DDX11: variants seen among roughly 807,000 people sequenced by gnomAD.
DDX11 encodes the protein ATP-dependent DNA helicase DDX11.
DDX11 carries 72 observed loss-of-function variants against 125.2 expected under a neutral mutation model. The observed-to-expected ratio is 0.58, with a 90% CI of 0.48 to 0.70. DDX11 has a LOEUF of 0.70. Among genes scored for constraint, DDX11 ranks in the 30% least tolerant of loss-of-function variants. The pLI is 0.00. For synonymous variants in DDX11, 347 were observed against 452.6 expected (o/e 0.77, Z 2.96); for missense variants, 883 against 1,165.0 (o/e 0.76, Z 3.52).
intron 7 of DDX11, 71 bp downstream of exon 7, chr12:31,089,222 A>T (rs1399850342): frequency 6.9e-7 from 1 of 1,457,146 alleles, no homozygotes; most frequent in East Asian, 2.3e-5. Flanking sequence ...CTGCTCGTCC[A>T]GGCCTTGGGA....
chr12:31,083,716 A>T (rs1942471014), intron 2 of DDX11, 97 bp from the exon 3 acceptor site: 1 of 1,448,186 alleles, frequency 6.9e-7, no homozygotes, highest in African/African-American at 1.4e-5. Context: ...TCCTATGTAC[A>T]GCCAGACCTT....
Position 31,073,863 on chromosome 12 carries a change from G to A in DDX11, c.-233G>A, listed in dbSNP as rs2140352176. The A allele has an allele frequency of 6.6e-6, 1 of 152,372 alleles. No homozygotes were observed. The highest frequency in any genetic ancestry group is 1.9e-4 in the East Asian group (1 of 5,184). The allele number at this position is 152,372 out of a possible 1,614,324, so 9.4% of individuals were successfully genotyped here. A position where few individuals can be genotyped will look rare whatever the true frequency, so the allele number is the denominator to read the frequency against. Reference sequence around the variant, plus strand: ...GTGCGCATGCGCAGCGGCGGGGGTTGTTCCGGCTGCCTTTCACTGAGGGGA... The same window carrying A: ...GTGCGCATGCGCAGCGGCGGGGGTTATTCCGGCTGCCTTTCACTGAGGGGA... On this transcript the variant is annotated 5_prime_UTR_variant, in exon 1 of 27. Coordinates refer to ENST00000542838, the MANE Select transcript of DDX11 (RefSeq NM_030653.4).
At chr12:31,090,237 G>A (rs1943969007) in intron 9 of DDX11, 143 bp downstream of exon 9, 1 of 857,626 alleles carries the variant, frequency 1.2e-6, no homozygotes, top group South Asian at 1.5e-5. Context: ...CTCTCCTGAT[G>A]TGTGAGTTGG....
Position 31,078,549 on chromosome 12 carries a change from C to T in DDX11, c.144+12C>T, listed in dbSNP as rs879208105. 4.3e-6 allele frequency: 7 copies of T among 1,611,758 alleles called. No individual in the cohort carries two copies. The South Asian group carries it at 6.6e-5, about 15-fold the overall frequency. ...GTCCAACTGGCACTGTGAGTATGAACAGTGAGAGATACTGAAAAGGACAAC... is the reference window on the plus strand; with the variant it reads ...GTCCAACTGGCACTGTGAGTATGAATAGTGAGAGATACTGAAAAGGACAAC... On this transcript the variant is annotated intron_variant, in intron 2 of 26. Transcript: ENST00000542838.
intron 19 of DDX11, 57 bp downstream of exon 19, chr12:31,100,764 T>A (rs1863417133): frequency 2.6e-6 from 4 of 1,544,062 alleles, no homozygotes; most frequent in Non-Finnish European, 3.5e-6. Context: ...GCCCCCGTTT[T>A]CTGTGGGTAA....
rs1342718566 is a variant in DDX11 at position 31,096,668 on chromosome 12, T to A, written c.1553T>A (p.Val518Glu). 1.2e-6 allele frequency: 2 copies of A among 1,613,910 alleles called. No homozygotes were observed. The highest frequency in any genetic ancestry group is 1.7e-5 in the Admixed American group (1 of 60,014). The change falls in exon 16 of 27, where the codon GTG (valine) becomes GAG (glutamate). Residue 518 changes from valine to glutamate, a missense_variant. By Grantham distance (121) the Val-to-Glu change is moderately radical. Around this residue, in one of 5 missense-constraint regions of DDX11, gnomAD observed 241 missense variants for 279.7 expected, o/e 0.86. Transcript: ENST00000542838. ...GGATTCACTGAACGGTACGGAGCAG[T>A]GTTCTCATCCCGGGAGCAGCCCAAA... Reference protein sequence around the residue: ...LFGFTERYGAVFSSREQPKLA... With the variant: ...LFGFTERYGAEFSSREQPKLA...
intron 5 of DDX11, 29 bp downstream of exon 5, chr12:31,085,155 C>T (rs1201264518): frequency 6.5e-7 from 1 of 1,550,078 alleles, no homozygotes. Flanking sequence ...CACTACCCTG[C>T]CCCAGGCCAG....
At position 31,073,870 on chromosome 12, in the gene DDX11, C is replaced by T. The variant is rs904846874; in HGVS notation, c.-226C>T. On this transcript the variant is annotated 5_prime_UTR_variant, in exon 1 of 27. Transcript: ENST00000542838. ...TGCGCAGCGGCGGGGGTTGTTCCGG[C>T]TGCCTTTCACTGAGGGGACCCGCCA... 6.6e-6 allele frequency: 1 copy of T among 152,246 alleles called. No individual in the cohort carries two copies. Among genetic ancestry groups the T allele is most frequent in the Non-Finnish European group, 1.5e-5 (1 of 68,042 alleles). The allele number at this position is 152,246 out of a possible 1,614,324, so 9.4% of individuals were successfully genotyped here. A position where few individuals can be genotyped will look rare whatever the true frequency, so the allele number is the denominator to read the frequency against.
intron 2 of DDX11, among the ~76,000 whole-genome samples, chr12:31,081,214 T>G (rs1235631852): frequency 6.6e-6 from 1 of 152,254 alleles, no homozygotes; most frequent in Non-Finnish European, 1.5e-5. Context: ...GAATGTACCC[T>G]GTGGCTTTAT....
intron 3 of DDX11, 27 bp from the exon 4 acceptor site, chr12:31,084,556 A>G (rs781063323): frequency 1.3e-6 from 2 of 1,581,844 alleles, no homozygotes; most frequent in South Asian, 2.3e-5. Context: ...TTCCTTGGTG[A>G]TTTTCCTTCA....
At chr12:31,083,443 T>C (rs909636926) in intron 2 of DDX11, among the ~76,000 whole-genome samples, 1 of 152,224 alleles carries the variant, frequency 6.6e-6, no homozygotes, top group African/African-American at 2.4e-5. Flanking sequence ...TACCTGGGAT[T>C]TCTTGCTCAG....
At chr12:31,078,900 G>C (rs979307139) in intron 2 of DDX11, among the ~76,000 whole-genome samples, 5 of 152,070 alleles carry the variant, frequency 3.3e-5, no homozygotes, top group Non-Finnish European at 7.4e-5. Flanking sequence ...TGTTAGCCAG[G>C]ATGATCTCAG....
intron 18 of DDX11, chr12:31,100,337 C>T (rs1023412350): frequency 3.3e-6 from 1 of 305,124 alleles, no homozygotes; most frequent in African/African-American, 2.2e-5. Flanking sequence ...GGGCTGGGGC[C>T]TGGCCATGTG....
intron 6 of DDX11, 121 bp downstream of exon 6, chr12:31,088,104 C>T (rs767850677): frequency 2.7e-6 from 4 of 1,459,822 alleles, no homozygotes; most frequent in Non-Finnish European, 3.8e-6. Flanking sequence ...GGAGGAGCTT[C>T]CAGCACTTGG....
intron 5 of DDX11, among the ~76,000 whole-genome samples, chr12:31,085,562 C>T (rs2140564720): frequency 6.6e-6 from 1 of 152,330 alleles, no homozygotes; most frequent in South Asian, 2.1e-4. Flanking sequence ...CCTGAGCTTT[C>T]CTTCTCCCAT....
chr12:31,096,442 C>A, intron 15 of DDX11, 63 bp downstream of exon 15: 2 of 1,613,470 alleles, frequency 1.2e-6, no homozygotes, highest in Non-Finnish European at 1.7e-6. Flanking sequence ...CCTGCCCTTG[C>A]CATGCTTTCC....
chr12:31,080,267 C>T (rs71455611), intron 2 of DDX11, among the ~76,000 whole-genome samples: 12,530 of 151,034 alleles, frequency 0.083, 668 homozygotes, highest in Middle Eastern at 0.21. Context: ...GCCCAATAGC[C>T]GGTCTTCCGG....
At chr12:31,089,540 G>A (rs1453928496) in intron 8 of DDX11, 50 bp downstream of exon 8, 7 of 1,556,566 alleles carry the variant, frequency 4.5e-6, no homozygotes, top group Non-Finnish European at 6.2e-6. Flanking sequence ...AGAGAGTGAG[G>A]CAGGGGTGGC....
chr12:31,089,007 G>T, intron 6 of DDX11, 37 bp from the exon 7 acceptor site: 1 of 1,556,808 alleles, frequency 6.4e-7, no homozygotes, highest in Non-Finnish European at 8.9e-7. Context: ...GGATGTTTTG[G>T]TTCTCTCTTT....
Sources: gnomAD v4.1 joint callset for allele counts (sites outside exome capture counted in the v4.1 genomes callset) on GRCh38, gnomAD v4.1.1 for gene constraint, gnomAD v4.1.1 regional missense constraint, MANE v1.5 for transcripts, NCBI Gene and HGNC (gene_info 2026-07-23, HGNC 2026-07-21) for gene names.